The following DPP10 variants were observed in gnomAD, a reference collection of about 807,000 sequenced individuals.
DPP10 encodes inactive dipeptidyl peptidase 10.
A neutral mutation model predicts 120.9 loss-of-function variants in DPP10; 33 were observed. That is an observed-to-expected ratio of 0.27 (90% CI 0.21 to 0.37). DPP10 has a LOEUF of 0.37. Among genes scored for constraint, DPP10 ranks in the 10% least tolerant of loss-of-function variants. DPP10 has a pLI of 1.00. For missense variants in DPP10, 816 were observed against 942.8 expected (o/e 0.87, Z 1.76); for synonymous variants, 337 against 326.1 (o/e 1.03, Z -0.36).
chr2:115,699,905 C>T (rs2091809998), intron 7 of DPP10, among the ~76,000 whole-genome samples: 2 of 152,024 alleles, frequency 1.3e-5, no homozygotes. Context: ...TGTATTAGTC[C>T]CTTCTCACAT....
intron 1 of DPP10, among the ~76,000 whole-genome samples, chr2:114,446,853 A>C (rs1677969675): frequency 6.6e-6 from 1 of 152,156 alleles, no homozygotes; most frequent in Non-Finnish European, 1.5e-5. Flanking sequence ...AACAGAAGAC[A>C]AGGGGTTAAA....
At chr2:115,716,028 A>G (rs371306310) in intron 7 of DPP10, among the ~76,000 whole-genome samples, 18 of 152,350 alleles carry the variant, frequency 1.2e-4, no homozygotes, top group African/African-American at 3.8e-4. Flanking sequence ...CTAAGGCGGA[A>G]GCTGCCTTTT....
intron 5 of DPP10, among the ~76,000 whole-genome samples, chr2:115,542,883 A>G (rs370276233): frequency 6.6e-6 from 1 of 151,924 alleles, no homozygotes; most frequent in Admixed American, 6.6e-5. Flanking sequence ...AGCAAAATGA[A>G]TATTTTATAA....
chr2:114,809,861 A>T (rs1263663661), intron 1 of DPP10, among the ~76,000 whole-genome samples: 3 of 152,176 alleles, frequency 2.0e-5, no homozygotes, highest in Non-Finnish European at 2.9e-5. Flanking sequence ...CACTCAGAGA[A>T]ACACTGCTAT....
intron 1 of DPP10, among the ~76,000 whole-genome samples, chr2:114,912,844 T>C (rs533366996): frequency 1.1e-3 from 162 of 152,108 alleles, no homozygotes; most frequent in Non-Finnish European, 1.6e-3. Flanking sequence ...GCCCAGAGAG[T>C]TGATGGAGAC....
intron 1 of DPP10, among the ~76,000 whole-genome samples, chr2:115,057,520 A>G (rs1706022456): frequency 1.3e-5 from 2 of 152,202 alleles, no homozygotes; most frequent in South Asian, 4.1e-4. Flanking sequence ...CCAGAGGCTC[A>G]GTGGATTGCT....
At chr2:115,056,227 A>G (rs986295430) in intron 1 of DPP10, among the ~76,000 whole-genome samples, 6 of 152,130 alleles carry the variant, frequency 3.9e-5, no homozygotes, top group Non-Finnish European at 1.5e-5. Context: ...ATTTGCAGAA[A>G]ATATATATGA....
At chr2:115,766,770 T>C (rs1041137404) in intron 12 of DPP10, among the ~76,000 whole-genome samples, 2 of 152,124 alleles carry the variant, frequency 1.3e-5, no homozygotes, top group African/African-American at 4.8e-5. Context: ...GGAGCAACAC[T>C]TCACGTGGCC....
At chr2:115,803,499 A>G (rs546815495) in intron 19 of DPP10, among the ~76,000 whole-genome samples, 7 of 152,246 alleles carry the variant, frequency 4.6e-5, no homozygotes, top group Admixed American at 6.5e-5. Context: ...TATTTTGCTC[A>G]TTAGTTGATG....
At chr2:114,843,001 T>C (rs1192785534) in intron 1 of DPP10, among the ~76,000 whole-genome samples, 1 of 152,096 alleles carries the variant, frequency 6.6e-6, no homozygotes, top group Non-Finnish European at 1.5e-5. Context: ...GTAAAAGGGT[T>C]GACTTGAAAA....
At chr2:114,482,631 G>T (rs1016166663) in intron 1 of DPP10, among the ~76,000 whole-genome samples, 4 of 152,052 alleles carry the variant, frequency 2.6e-5, no homozygotes, top group African/African-American at 9.7e-5. Context: ...GTCAAGAAAA[G>T]AACACAAAAC....
At chr2:114,940,704 G>T (rs1208193505) in intron 1 of DPP10, among the ~76,000 whole-genome samples, 1 of 152,064 alleles carries the variant, frequency 6.6e-6, no homozygotes, top group East Asian at 1.9e-4. Context: ...GAAAAGAAAT[G>T]AAAACGTCAG....
At chr2:115,710,849 G>T (rs1399764425) in intron 7 of DPP10, among the ~76,000 whole-genome samples, 1 of 152,000 alleles carries the variant, frequency 6.6e-6, no homozygotes, top group Non-Finnish European at 1.5e-5. Context: ...TGTTTTGTTG[G>T]TAGCCTGTGT....
chr2:114,739,925 TA>T (rs530408851), intron 1 of DPP10, among the ~76,000 whole-genome samples: 295 of 152,174 alleles, frequency 1.9e-3, no homozygotes, highest in African/African-American at 6.8e-3. Flanking sequence ...TCATTCATCA[TA>T]AAAACTGTGG....
At chr2:115,175,148 A>G (rs2105092312) in intron 1 of DPP10, among the ~76,000 whole-genome samples, 1 of 152,306 alleles carries the variant, frequency 6.6e-6, no homozygotes, top group East Asian at 1.9e-4. Flanking sequence ...GATTTAAGGC[A>G]TATCATAAAT....
intron 5 of DPP10, among the ~76,000 whole-genome samples, chr2:115,637,162 CA>C (rs2086406231): frequency 6.6e-6 from 1 of 151,416 alleles, no homozygotes; most frequent in South Asian, 2.1e-4. Flanking sequence ...AGTAATGATA[CA>C]AAAAGAAATT....
intron 1 of DPP10, among the ~76,000 whole-genome samples, chr2:114,976,288 A>G (rs1281292441): frequency 2.6e-5 from 4 of 152,046 alleles, no homozygotes; most frequent in Admixed American, 6.6e-5. Context: ...TTCAGCATTT[A>G]TATACCATTC....
At chr2:114,525,125 A>G (rs1228982092) in intron 1 of DPP10, among the ~76,000 whole-genome samples, 4 of 152,234 alleles carry the variant, frequency 2.6e-5, no homozygotes, top group Non-Finnish European at 5.9e-5. Context: ...CTAAGCCTCC[A>G]GAAACTGTAT....
At chr2:115,701,132 G>A (rs1017095849) in intron 7 of DPP10, among the ~76,000 whole-genome samples, 1 of 151,958 alleles carries the variant, frequency 6.6e-6, no homozygotes, top group African/African-American at 2.4e-5. Context: ...TCAAGTATCC[G>A]AAACATTTGT....
Sources: gnomAD v4.1 joint callset for allele counts (sites outside exome capture counted in the v4.1 genomes callset) on GRCh38, gnomAD v4.1.1 for gene constraint, MANE v1.5 for transcripts, NCBI Gene and HGNC (gene_info 2026-07-23, HGNC 2026-07-21) for gene names.